Variants in FHIT observed in about 807,000 individuals in gnomAD.
FHIT encodes the protein fragile histidine triad diadenosine triphosphatase.
FHIT carries 19 observed loss-of-function variants against 17.9 expected under a neutral mutation model. The ratio of observed to expected loss-of-function variants is 1.06; its 90% CI spans 0.74 to 1.56. The LOEUF (loss-of-function observed/expected upper bound fraction) is 1.56, where lower values mean the gene tolerates loss of function less well. FHIT is among the 40% of genes most tolerant of loss of function. The probability of loss-of-function intolerance (pLI) is 0.00; values close to 1 mark genes in which losing one functional copy is unlikely to be tolerated. For synonymous variants in FHIT, 81 were observed against 69.7 expected, an observed-to-expected ratio of 1.16 and a Z score of -0.81; for missense variants, 248 against 189.2, an observed-to-expected ratio of 1.31 and a Z score of -1.82.
At chr3:59,910,955 T>C (rs770147375) in intron 8 of FHIT, among the ~76,000 whole-genome samples, 9 of 152,186 alleles carry the variant, frequency 5.9e-5, no homozygotes, top group Non-Finnish European at 1.3e-4. Flanking sequence ...TTAGAATTCA[T>C]TCCAAACCAC....
intron 3 of FHIT, among the ~76,000 whole-genome samples, chr3:60,907,440 G>A (rs1553764833): frequency 1.3e-5 from 2 of 152,188 alleles, no homozygotes; most frequent in African/African-American, 4.8e-5. Flanking sequence ...TAAGTGAAAT[G>A]TGTAATCCTT....
chr3:60,103,285 C>T (rs1286858685), intron 5 of FHIT, among the ~76,000 whole-genome samples: 1 of 152,148 alleles, frequency 6.6e-6, no homozygotes, highest in Admixed American at 6.6e-5. Context: ...CTTATGTGGG[C>T]TCTTTGGCCC....
intron 8 of FHIT, among the ~76,000 whole-genome samples, chr3:59,842,254 T>C (rs1701561177): frequency 1.3e-5 from 2 of 152,196 alleles, no homozygotes; most frequent in South Asian, 2.1e-4. Context: ...TTTTTCAAGG[T>C]TGAATAATAT....
At chr3:60,276,555 G>A (rs1040187770) in intron 5 of FHIT, among the ~76,000 whole-genome samples, 2 of 152,178 alleles carry the variant, frequency 1.3e-5, no homozygotes, top group African/African-American at 4.8e-5. Flanking sequence ...AGCGAACAAG[G>A]TGAATCATAA....
At chr3:60,163,735 G>A (rs1393263170) in intron 5 of FHIT, among the ~76,000 whole-genome samples, 1 of 152,136 alleles carries the variant, frequency 6.6e-6, no homozygotes, top group Admixed American at 6.5e-5. Context: ...GAGCATCATG[G>A]AAAGTTTAGC....
intron 8 of FHIT, among the ~76,000 whole-genome samples, chr3:59,791,281 C>T (rs976225941): frequency 3.3e-5 from 5 of 152,018 alleles, no homozygotes; most frequent in Non-Finnish European, 7.4e-5. Context: ...CTTGGGCCAG[C>T]ATGGTCTGTG....
chr3:60,287,130 T>C (rs142131126), intron 5 of FHIT, among the ~76,000 whole-genome samples: 1 of 152,284 alleles, frequency 6.6e-6, no homozygotes, highest in East Asian at 1.9e-4. Context: ...CAATATCATC[T>C]CCCTACCTAT....
At chr3:60,958,575 A>G (rs559465940) in intron 3 of FHIT, among the ~76,000 whole-genome samples, 10 of 152,318 alleles carry the variant, frequency 6.6e-5, no homozygotes, top group African/African-American at 2.4e-4. Flanking sequence ...TTACCCATGA[A>G]AAATAGTTGC....
At chr3:60,922,879 T>A (rs73838626) in intron 3 of FHIT, among the ~76,000 whole-genome samples, 130 of 152,366 alleles carry the variant, frequency 8.5e-4, no homozygotes, top group African/African-American at 3.1e-3. Flanking sequence ...CCTCTCACAG[T>A]CAATACATGT....
chr3:60,249,378 C>T (rs1705570223), intron 5 of FHIT, among the ~76,000 whole-genome samples: 1 of 152,120 alleles, frequency 6.6e-6, no homozygotes, highest in African/African-American at 2.4e-5. Flanking sequence ...TCCTCCTCCA[C>T]AAAACCCATG....
intron 4 of FHIT, among the ~76,000 whole-genome samples, chr3:60,814,747 T>C (rs1701677182): frequency 6.6e-6 from 1 of 152,180 alleles, no homozygotes; most frequent in South Asian, 2.1e-4. Flanking sequence ...CTGGATCGAA[T>C]GGTAGTTCTG....
chr3:60,273,380 G>A (rs561840039), intron 5 of FHIT, among the ~76,000 whole-genome samples: 7 of 152,146 alleles, frequency 4.6e-5, no homozygotes, highest in South Asian at 2.1e-4. Context: ...AGGCCGAGGC[G>A]GGTGGATCAC....
At chr3:60,302,129 A>G (rs1708480807) in intron 5 of FHIT, among the ~76,000 whole-genome samples, 1 of 152,170 alleles carries the variant, frequency 6.6e-6, no homozygotes, top group African/African-American at 2.4e-5. Context: ...ACTTTGAATC[A>G]ATATGCTGTG....
At chr3:60,391,832 G>A (rs908296369) in intron 5 of FHIT, among the ~76,000 whole-genome samples, 7 of 152,104 alleles carry the variant, frequency 4.6e-5, no homozygotes, top group Admixed American at 6.6e-5. Context: ...TCTGGATATT[G>A]AGGGGCTGCC....
intron 5 of FHIT, among the ~76,000 whole-genome samples, chr3:60,255,504 G>A (rs184499053): frequency 6.6e-6 from 1 of 151,984 alleles, no homozygotes; most frequent in Non-Finnish European, 1.5e-5. Flanking sequence ...GCACCACCCG[G>A]GGCGACAAAC....
intron 7 of FHIT, among the ~76,000 whole-genome samples, chr3:59,944,050 A>G (rs768394665): frequency 1.3e-5 from 2 of 152,222 alleles, no homozygotes; most frequent in Non-Finnish European, 2.9e-5. Flanking sequence ...TCTAAATACT[A>G]GCTATGATTT....
At chr3:60,149,866 T>C (rs1700387861) in intron 5 of FHIT, among the ~76,000 whole-genome samples, 1 of 151,444 alleles carries the variant, frequency 6.6e-6, no homozygotes, top group Non-Finnish European at 1.5e-5. Context: ...TCTCAGGATG[T>C]CTACAGGAGC....
At chr3:60,993,346 T>G (rs1435895897) in intron 3 of FHIT, among the ~76,000 whole-genome samples, 1 of 152,228 alleles carries the variant, frequency 6.6e-6, no homozygotes, top group Admixed American at 6.5e-5. Context: ...GGATTCAGAC[T>G]GTCCGTCTTG....
intron 5 of FHIT, among the ~76,000 whole-genome samples, chr3:60,463,423 G>T (rs2032594252): frequency 6.6e-6 from 1 of 152,172 alleles, no homozygotes; most frequent in Non-Finnish European, 1.5e-5. Context: ...GCTAACCAAT[G>T]AAACACTAAC....
Sources: gnomAD v4.1 joint callset for allele counts (sites outside exome capture counted in the v4.1 genomes callset) on GRCh38, gnomAD v4.1.1 for gene constraint, MANE v1.5 for transcripts, NCBI Gene and HGNC (gene_info 2026-07-23, HGNC 2026-07-21) for gene names.